Variants in SUZ12 observed in about 807,000 individuals in gnomAD.
The protein encoded by SUZ12 is polycomb protein SUZ12.
Under a neutral mutation model 87.3 loss-of-function variants are expected in SUZ12, and 17 were observed. That is an observed-to-expected ratio of 0.19 (90% CI 0.13 to 0.29). SUZ12 has a LOEUF of 0.29. Among genes scored for constraint, SUZ12 ranks in the 10% least tolerant of loss-of-function variants. The pLI is 1.00. For synonymous variants in SUZ12, 253 were observed against 312.4 expected (o/e 0.81, Z 2.01); for missense variants, 526 against 912.2 (o/e 0.58, Z 5.45).
intron 3 of SUZ12, among the ~76,000 whole-genome samples, chr17:31,943,184 A>G (rs1482851437): frequency 1.3e-5 from 2 of 152,224 alleles, no homozygotes; most frequent in East Asian, 3.8e-4. Context: ...GAATTAGGTT[A>G]CAGAATTAGT....
intron 9 of SUZ12, among the ~76,000 whole-genome samples, chr17:31,987,940 A>C (rs922547894): frequency 1.7e-5 from 2 of 117,952 alleles, no homozygotes; most frequent in African/African-American, 2.6e-5. Flanking sequence ...ACTCCATCTC[A>C]AAAAAAAAAA....
intron 9 of SUZ12, 55 bp from the exon 10 acceptor site, chr17:31,988,264 AT>A: frequency 6.9e-7 from 1 of 1,452,828 alleles, no homozygotes. Context: ...AATTTCTACA[AT>A]TTATTTGAAT....
intron 10 of SUZ12, among the ~76,000 whole-genome samples, chr17:31,991,852 G>A (rs191218337): frequency 2.0e-5 from 3 of 151,862 alleles, no homozygotes; most frequent in Admixed American, 6.6e-5. Flanking sequence ...TGCCCACCTC[G>A]GCCTCCCAAA....
chr17:31,987,862 T>TG (rs1179059046), intron 9 of SUZ12, among the ~76,000 whole-genome samples: 1 of 151,336 alleles, frequency 6.6e-6, no homozygotes, highest in Admixed American at 6.6e-5. Context: ...TGCTTGAACC[T>TG]GGGAGGGGGA....
chr17:31,953,826 G>A (rs753940662), intron 4 of SUZ12, among the ~76,000 whole-genome samples: 20 of 149,484 alleles, frequency 1.3e-4, no homozygotes, highest in Non-Finnish European at 1.3e-4. Context: ...CAGTTCTCCT[G>A]CCTTGGCCTC....
intron 10 of SUZ12, among the ~76,000 whole-genome samples, chr17:31,992,656 C>T (rs151137070): frequency 0.019 from 2,857 of 151,858 alleles, 87 homozygotes; most frequent in African/African-American, 0.064. Context: ...GTGATCCACC[C>T]GCCTCGGCCT....
At chr17:31,948,313 A>G (rs146898680) in intron 4 of SUZ12, among the ~76,000 whole-genome samples, 1 of 152,214 alleles carries the variant, frequency 6.6e-6, no homozygotes, top group Non-Finnish European at 1.5e-5. Context: ...GCTTCTATTT[A>G]TTTTTTGACA....
At chr17:31,995,865 A>T in intron 14 of SUZ12, 103 bp downstream of exon 14, 8 of 854,824 alleles carry the variant, frequency 9.4e-6, no homozygotes, top group South Asian at 1.9e-5. Context: ...CTTTTTTTAA[A>T]AAAAAAAAAA....
intron 5 of SUZ12, among the ~76,000 whole-genome samples, chr17:31,972,070 G>A (rs566106076): frequency 6.6e-6 from 1 of 152,056 alleles, no homozygotes; most frequent in Non-Finnish European, 1.5e-5. Flanking sequence ...GATCACTTGA[G>A]GTCAGGAGTT....
chr17:31,937,423 C>G lies in SUZ12; in HGVS notation c.177C>G (p.Ser59=). 6.5e-7 allele frequency: 1 copy of G among 1,542,882 alleles called. No individual in the cohort carries two copies. ...GTTACTCGGCCTCCTCCTCCTCCTC[C>G]GCGGCGGCAGCGGCGGGGGCTGCGG... is the stretch of plus-strand genomic sequence containing the variant. ...GGSYSASSSS[S]AAAAAGAAVL... The change falls in exon 1 of 16, where the codon TCC becomes TCG. Residue 59 remains serine, a synonymous_variant. Coordinates refer to ENST00000322652, the MANE Select transcript of SUZ12 (RefSeq NM_015355.4).
intron 8 of SUZ12, among the ~76,000 whole-genome samples, chr17:31,977,298 A>G (rs75861674): frequency 0.15 from 22,024 of 142,376 alleles, 1,902 homozygotes; most frequent in African/African-American, 0.22. Context: ...TTTTTTTTAG[A>G]ATAGTGTCTC....
chr17:31,971,421 CTTTTTTT>C (rs11383306), intron 5 of SUZ12, among the ~76,000 whole-genome samples: 2 of 116,052 alleles, frequency 1.7e-5, no homozygotes, highest in South Asian at 3.0e-4. Context: ...TCTCCTGCAA[CTTTTTTT>C]TTTTTTTTTT....
At chr17:31,970,793 C>T (rs532444864) in intron 5 of SUZ12, among the ~76,000 whole-genome samples, 32 of 149,436 alleles carry the variant, frequency 2.1e-4, no homozygotes, top group Non-Finnish European at 8.9e-5. Context: ...CAGAGCAAGA[C>T]TCTCTCTCTC....
intron 4 of SUZ12, among the ~76,000 whole-genome samples, chr17:31,958,245 A>C (rs527967141): frequency 3.3e-5 from 5 of 152,090 alleles, no homozygotes; most frequent in Non-Finnish European, 5.9e-5. Flanking sequence ...CGTTTTGCCC[A>C]GTGTGACCTC....
chr17:31,987,062 T>G (rs528269606), intron 9 of SUZ12, among the ~76,000 whole-genome samples: 261 of 147,778 alleles, frequency 1.8e-3, no homozygotes, highest in African/African-American at 6.0e-3. Flanking sequence ...TTTTTGTTTT[T>G]TTGTTTTTTT....
chr17:31,955,617 G>A (rs1325963594), intron 4 of SUZ12, among the ~76,000 whole-genome samples: 1 of 151,934 alleles, frequency 6.6e-6, no homozygotes, highest in Non-Finnish European at 1.5e-5. Context: ...GCAGAGTGTC[G>A]TGCACCTGTA....
At chr17:31,994,870 A>G (rs1909891523) in intron 13 of SUZ12, 149 bp downstream of exon 13, 1 of 718,762 alleles carries the variant, frequency 1.4e-6, no homozygotes, top group Admixed American at 3.4e-5. Flanking sequence ...ACTACTTTAT[A>G]ACACTTGATA....
chr17:31,971,305 A>T (rs1908415221), intron 5 of SUZ12, among the ~76,000 whole-genome samples: 1 of 152,162 alleles, frequency 6.6e-6, no homozygotes, highest in Admixed American at 6.5e-5. Flanking sequence ...TTCATAATGA[A>T]ACATGTATAA....
chr17:31,997,248 G>A (rs772533101), intron 15 of SUZ12, among the ~76,000 whole-genome samples: 1 of 152,136 alleles, frequency 6.6e-6, no homozygotes, highest in Non-Finnish European at 1.5e-5. Context: ...CCTGGTGTCC[G>A]TAGGAAAGGG....
Sources: allele counts gnomAD v4.1 joint callset (sites outside exome capture counted in the v4.1 genomes callset), GRCh38; gene constraint gnomAD v4.1.1; transcripts MANE v1.5; gene names NCBI Gene and HGNC (gene_info 2026-07-23, HGNC 2026-07-21).